NXPH1: variants seen among roughly 807,000 people sequenced by gnomAD.
NXPH1 encodes the protein neurexophilin-1.
A neutral mutation model predicts 23.7 loss-of-function variants in NXPH1; 5 were observed. That is an observed-to-expected ratio of 0.21 (90% CI 0.11 to 0.44). NXPH1 has a LOEUF of 0.44. Among genes scored for constraint, NXPH1 ranks in the 20% least tolerant of loss-of-function variants. The pLI, the probability that NXPH1 is intolerant of heterozygous loss-of-function variation, is 0.99. For missense variants in NXPH1, 324 were observed against 321.6 expected, an observed-to-expected ratio of 1.01 and a Z score of -0.06; for synonymous variants, 144 against 122.2, an observed-to-expected ratio of 1.18 and a Z score of -1.18.
intron 2 of NXPH1, among the ~76,000 whole-genome samples, chr7:8,530,566 C>T (rs17150627): frequency 0.014 from 2,172 of 152,240 alleles, 41 homozygotes; most frequent in African/African-American, 0.049. Context: ...TCCAGAAGGT[C>T]GTCTCTGAGG....
At chr7:8,520,906 T>C (rs911370117) in intron 2 of NXPH1, among the ~76,000 whole-genome samples, 2 of 152,198 alleles carry the variant, frequency 1.3e-5, no homozygotes, top group Non-Finnish European at 2.9e-5. Context: ...ATTTCAAAGT[T>C]GTGGCATTCA....
intron 2 of NXPH1, 81 bp from the exon 3 acceptor site, chr7:8,750,927 T>C (rs566965555): frequency 1.5e-6 from 2 of 1,346,588 alleles, no homozygotes; most frequent in African/African-American, 1.5e-5. Flanking sequence ...ATCCTGAGAC[T>C]CAGAGAAGGC....
chr7:8,492,430 C>A (rs777952778), intron 2 of NXPH1, among the ~76,000 whole-genome samples: 2 of 151,908 alleles, frequency 1.3e-5, no homozygotes, highest in Non-Finnish European at 2.9e-5. Flanking sequence ...TTAAACTCTG[C>A]AAAATAGAAA....
chr7:8,745,752 T>C (rs1246630098), intron 2 of NXPH1, among the ~76,000 whole-genome samples: 1 of 142,514 alleles, frequency 7.0e-6, no homozygotes, highest in African/African-American at 2.7e-5. Flanking sequence ...GTATTTTTAG[T>C]AGAGACAGGG....
At chr7:8,738,519 C>A (rs1462517615) in intron 2 of NXPH1, among the ~76,000 whole-genome samples, 2 of 152,276 alleles carry the variant, frequency 1.3e-5, no homozygotes, top group African/African-American at 4.8e-5. Flanking sequence ...GGACACCTGC[C>A]AGATACCAGC....
chr7:8,736,043 C>T (rs1780248835), intron 2 of NXPH1, among the ~76,000 whole-genome samples: 1 of 151,818 alleles, frequency 6.6e-6, no homozygotes, highest in South Asian at 2.1e-4. Flanking sequence ...ATTTGTCTTC[C>T]TAGCCATGTA....
At chr7:8,515,530 T>G (rs1031746438) in intron 2 of NXPH1, among the ~76,000 whole-genome samples, 8 of 152,278 alleles carry the variant, frequency 5.3e-5, no homozygotes, top group Admixed American at 3.9e-4. Flanking sequence ...CTTTTATGAA[T>G]CAGTATAATT....
At position 8,536,406 on chromosome 7, in the gene NXPH1, T is replaced by C. The variant is rs184690309; in HGVS notation, c.54+100639T>C. The stretch of plus-strand genomic sequence containing the variant: ...TTGCATTGTGTAGCTAGCAATGTCC[T>C]GTTGTTGTTTGCTGTTCTTAAGAAA... On this transcript the variant is annotated intron_variant, in intron 2 of 2. Coordinates refer to ENST00000405863, the MANE Select transcript of NXPH1 (RefSeq NM_152745.3). Among the ~76,000 whole-genome samples the C allele has an allele frequency of 3.3e-3, 500 of 152,160 alleles. 1 individual carries two copies. Among genetic ancestry groups the C allele is most frequent in the African/African-American group, 0.011 (472 of 41,552 alleles).
intron 2 of NXPH1, among the ~76,000 whole-genome samples, chr7:8,525,201 A>T (rs2128616412): frequency 6.6e-6 from 1 of 152,320 alleles, no homozygotes; most frequent in Non-Finnish European, 1.5e-5. Context: ...GACTCTTGTT[A>T]TGTTTTAGCA....
At chr7:8,441,676 C>G (rs909992903) in intron 2 of NXPH1, among the ~76,000 whole-genome samples, 4 of 152,180 alleles carry the variant, frequency 2.6e-5, no homozygotes, top group African/African-American at 4.8e-5. Context: ...GTCTCAATTA[C>G]TATGCAAGCT....
chr7:8,737,499 C>A (rs1031363595), intron 2 of NXPH1, among the ~76,000 whole-genome samples: 1 of 152,154 alleles, frequency 6.6e-6, no homozygotes, highest in Non-Finnish European at 1.5e-5. Context: ...GCAGAGAGAT[C>A]CACTCTTAGT....
chr7:8,637,974 T>C lies in NXPH1; in HGVS notation c.55-113034T>C, dbSNP rs375943750. ...GGAATAGGAATCCAAGTCTAGACTA[T>C]CAAATTAAATAAAACAAACTCCTCC... On this transcript the variant is annotated intron_variant, in intron 2 of 2. Coordinates refer to ENST00000405863, the MANE Select transcript of NXPH1 (RefSeq NM_152745.3). Among the ~76,000 whole-genome samples the C allele has an allele frequency of 7.9e-5, 12 of 152,246 alleles. 1 individual carries two copies. The highest frequency in any genetic ancestry group is 2.9e-4 in the African/African-American group (12 of 41,546).
chr7:8,537,899 A>G (rs1368522687), intron 2 of NXPH1, among the ~76,000 whole-genome samples: 1 of 151,924 alleles, frequency 6.6e-6, no homozygotes, highest in Non-Finnish European at 1.5e-5. Context: ...ATTTTTAGAA[A>G]GAGACAATTT....
intron 2 of NXPH1, among the ~76,000 whole-genome samples, chr7:8,563,616 T>A (rs1336893267): frequency 6.6e-6 from 1 of 151,724 alleles, no homozygotes; most frequent in African/African-American, 2.4e-5. Context: ...TGAGAGCTGG[T>A]AAAGGGAAAG....
intron 2 of NXPH1, among the ~76,000 whole-genome samples, chr7:8,541,768 C>T (rs1480025651): frequency 1.3e-5 from 2 of 151,270 alleles, no homozygotes; most frequent in Non-Finnish European, 3.0e-5. Flanking sequence ...GGTTTTTATA[C>T]TATATATAAA....
Position 8,750,201 on chromosome 7 carries a change from C to T in NXPH1, c.55-807C>T, listed in dbSNP as rs531273386. ...AGTAAACATGTTATTTTGTTTTGAC[C>T]GGTTAAAATATACCAGAGTCTCTTT... On this transcript the variant is annotated intron_variant, in intron 2 of 2. Transcript: ENST00000405863. Among the ~76,000 whole-genome samples, 102 of 152,136 alleles carry T rather than the reference C, an allele frequency of 6.7e-4. No homozygotes were observed. In the Middle Eastern group the frequency reaches 0.01, roughly 15 times the overall value.
At chr7:8,480,844 G>A (rs1057089089) in intron 2 of NXPH1, among the ~76,000 whole-genome samples, 1 of 152,118 alleles carries the variant, frequency 6.6e-6, no homozygotes, top group Non-Finnish European at 1.5e-5. Context: ...TTATTCCTTA[G>A]TGATTCACTA....
intron 2 of NXPH1, among the ~76,000 whole-genome samples, chr7:8,480,900 A>G (rs1817062138): frequency 6.6e-6 from 1 of 152,142 alleles, no homozygotes; most frequent in African/African-American, 2.4e-5. Flanking sequence ...GTCAAGATGG[A>G]TATTTCTAAA....
chr7:8,507,002 C>G (rs910281313), intron 2 of NXPH1, among the ~76,000 whole-genome samples: 1 of 149,248 alleles, frequency 6.7e-6, no homozygotes, highest in South Asian at 2.1e-4. Context: ...GTGCCCACCC[C>G]GGGAAGATGA....
Sources: gnomAD v4.1 joint callset for allele counts (sites outside exome capture counted in the v4.1 genomes callset) on GRCh38, gnomAD v4.1.1 for gene constraint, MANE v1.5 for transcripts, NCBI Gene and HGNC (gene_info 2026-07-23, HGNC 2026-07-21) for gene names.